SHROOM3: variants seen among roughly 807,000 people sequenced by gnomAD.
The protein encoded by SHROOM3 is protein Shroom3.
In SHROOM3, 47 loss-of-function variants were observed where a neutral mutation model predicts 138.6. That is an observed-to-expected ratio of 0.34 (90% confidence interval 0.27 to 0.43). SHROOM3 has a LOEUF of 0.43. SHROOM3 is among the 20% of genes least tolerant of loss of function. The probability of loss-of-function intolerance (pLI) is 1.00; values close to 1 mark genes in which losing one functional copy is unlikely to be tolerated. For synonymous variants in SHROOM3, 1,062 were observed against 1,063.3 expected, an observed-to-expected ratio of 1.00 and a Z score of 0.02; for missense variants, 2,491 against 2,596.5, an observed-to-expected ratio of 0.96 and a Z score of 0.88.
intron 1 of SHROOM3, among the ~76,000 whole-genome samples, chr4:76,487,549 G>GGTAT (rs1473622304): frequency 6.6e-6 from 1 of 152,108 alleles, no homozygotes; most frequent in East Asian, 1.9e-4. Context: ...TCTTATTAAT[G>GGTAT]GTATATATCT....
At chr4:76,486,471 A>G (rs572477243) in intron 1 of SHROOM3, among the ~76,000 whole-genome samples, 1 of 152,296 alleles carries the variant, frequency 6.6e-6, no homozygotes, top group African/African-American at 2.4e-5. Context: ...TTGGGAATAA[A>G]CCCTGTAGCC....
chr4:76,528,282 A>G (rs1278706323), intron 1 of SHROOM3, among the ~76,000 whole-genome samples: 1 of 151,306 alleles, frequency 6.6e-6, no homozygotes, highest in Admixed American at 6.6e-5. Flanking sequence ...AAATCCAATT[A>G]CTTCTTGTTT....
At chr4:76,651,574 T>G (rs954967856) in intron 2 of SHROOM3, among the ~76,000 whole-genome samples, 18 of 151,912 alleles carry the variant, frequency 1.2e-4, no homozygotes, top group African/African-American at 3.9e-4. Flanking sequence ...CTGGGTTTCC[T>G]GCCACACTTG....
At chr4:76,772,103 CTTTT>C (rs35590411) in intron 10 of SHROOM3, among the ~76,000 whole-genome samples, 3 of 125,124 alleles carry the variant, frequency 2.4e-5, no homozygotes, top group African/African-American at 3.1e-5. Flanking sequence ...TTTTCTTTTT[CTTTT>C]TTTTTTTTTT....
intron 1 of SHROOM3, among the ~76,000 whole-genome samples, chr4:76,511,193 A>G (rs1217385538): frequency 4.6e-5 from 7 of 151,896 alleles, no homozygotes; most frequent in Non-Finnish European, 1.0e-4. Flanking sequence ...AAAAATAATA[A>G]TAATAATAAT....
At chr4:76,676,189 G>A (rs1359576599) in intron 2 of SHROOM3, among the ~76,000 whole-genome samples, 1 of 152,112 alleles carries the variant, frequency 6.6e-6, no homozygotes, top group Non-Finnish European at 1.5e-5. Context: ...TAAATTCAGG[G>A]AAAAAATGGC....
At chr4:76,669,200 G>A (rs1271621607) in intron 2 of SHROOM3, among the ~76,000 whole-genome samples, 3 of 152,146 alleles carry the variant, frequency 2.0e-5, no homozygotes, top group African/African-American at 7.2e-5. Flanking sequence ...TTCAATTGGA[G>A]AATTTTAATG....
In SHROOM3 at chr4:76,780,454, T is replaced by C. The variant is rs1722703934; in HGVS notation, c.*1277T>C. 1 of 152,024 alleles carries C rather than the reference T, an allele frequency of 6.6e-6. No individual in the cohort carries two copies. The highest frequency in any genetic ancestry group is 2.4e-5 in the African/African-American group (1 of 41,368). The allele number at this position is 152,024 out of a possible 1,614,324, so 9.4% of individuals were successfully genotyped here. On this transcript the variant is annotated 3_prime_UTR_variant, in exon 11 of 11. Transcript: ENST00000296043. ...TGTTTTTTCACGTTTGATCTGTGGC[T>C]GGTGGCCACCTTTGTTGATTTGGGC...
chr4:76,599,578 G>A (rs981699516), intron 2 of SHROOM3, among the ~76,000 whole-genome samples: 18 of 152,218 alleles, frequency 1.2e-4, no homozygotes, highest in Admixed American at 4.6e-4. Context: ...GGACATGGCA[G>A]CAGCATTCTT....
chr4:76,726,998 G>T (rs1720725027), intron 3 of SHROOM3, among the ~76,000 whole-genome samples: 1 of 152,150 alleles, frequency 6.6e-6, no homozygotes, highest in Admixed American at 6.5e-5. Context: ...GTGCTGGTCT[G>T]AGGTCACGGT....
At position 76,602,478 on chromosome 4, in the gene SHROOM3, AT is replaced by A. The variant is rs1050335084; in HGVS notation, c.323+46725del. Among the ~76,000 whole-genome samples, 70 of 150,082 alleles carry A rather than the reference AT, an allele frequency of 4.7e-4. 1 individual carries two copies. Among genetic ancestry groups the A allele is most frequent in the African/African-American group, 1.5e-3 (61 of 40,906 alleles). ...ATACAGCCATATGTTAATTTTCTTG[AT>A]TTTTTTTTTCGTTAGAATTCTTTTG... On this transcript the variant is annotated intron_variant, in intron 2 of 10. Transcript: ENST00000296043.
chr4:76,485,486 T>C (rs571075153), intron 1 of SHROOM3, among the ~76,000 whole-genome samples: 3 of 152,382 alleles, frequency 2.0e-5, no homozygotes, highest in Non-Finnish European at 2.9e-5. Flanking sequence ...GCATATGATA[T>C]GTTCATTCAC....
chr4:76,640,627 G>C (rs1045184345), intron 2 of SHROOM3, among the ~76,000 whole-genome samples: 23 of 152,186 alleles, frequency 1.5e-4, no homozygotes, highest in African/African-American at 5.5e-4. Flanking sequence ...TTGTTCTTGG[G>C]TACATCCTTT....
At chr4:76,761,023 TTAAG>T (rs1156837650) in intron 9 of SHROOM3, among the ~76,000 whole-genome samples, 1 of 152,236 alleles carries the variant, frequency 6.6e-6, no homozygotes, top group African/African-American at 2.4e-5. Flanking sequence ...ATCTTAATTT[TTAAG>T]TGTTTTTTTT....
chr4:76,513,074 A>T (rs1288955010), intron 1 of SHROOM3, among the ~76,000 whole-genome samples: 1 of 152,134 alleles, frequency 6.6e-6, no homozygotes, highest in Non-Finnish European at 1.5e-5. Flanking sequence ...TCCAGCTTCC[A>T]CCTGAGAGCA....
intron 2 of SHROOM3, among the ~76,000 whole-genome samples, chr4:76,699,290 T>C (rs1461725432): frequency 6.6e-6 from 1 of 152,212 alleles, no homozygotes; most frequent in African/African-American, 2.4e-5. Flanking sequence ...GGAGCCTGCA[T>C]GTAGAACATG....
chr4:76,618,795 A>G (rs1310694428), intron 2 of SHROOM3, among the ~76,000 whole-genome samples: 1 of 152,210 alleles, frequency 6.6e-6, no homozygotes, highest in Non-Finnish European at 1.5e-5. Context: ...AGTTGACTCA[A>G]TAATGTCCTT....
intron 2 of SHROOM3, among the ~76,000 whole-genome samples, chr4:76,634,430 A>G (rs969125805): frequency 6.6e-6 from 1 of 152,192 alleles, no homozygotes; most frequent in Non-Finnish European, 1.5e-5. Context: ...GCATTTTATT[A>G]TGGTGATGCA....
At chr4:76,466,523 G>C (rs1731252401) in intron 1 of SHROOM3, among the ~76,000 whole-genome samples, 1 of 152,200 alleles carries the variant, frequency 6.6e-6, no homozygotes, top group Admixed American at 6.5e-5. Flanking sequence ...AGCAGTGTCT[G>C]TACGCCTCAG....
Sources: gnomAD v4.1 joint callset for allele counts (sites outside exome capture counted in the v4.1 genomes callset) on GRCh38, gnomAD v4.1.1 for gene constraint, MANE v1.5 for transcripts, NCBI Gene and HGNC (gene_info 2026-07-23, HGNC 2026-07-21) for gene names.